Variants in TTC39B observed in about 807,000 individuals in gnomAD.
TTC39B encodes the protein tetratricopeptide repeat protein 39B.
A neutral mutation model predicts 96.6 loss-of-function variants in TTC39B; 92 were observed. The observed-to-expected ratio is 0.95, with a 90% CI of 0.80 to 1.13. The LOEUF is 1.13. Among genes scored for constraint, TTC39B ranks in the 50% most tolerant of loss-of-function variants. TTC39B has a pLI of 0.00. For missense variants in TTC39B, 955 were observed against 809.3 expected, an observed-to-expected ratio of 1.18 and a Z score of -2.18; for synonymous variants, 367 against 299.4, an observed-to-expected ratio of 1.23 and a Z score of -2.33.
chr9:15,249,764 G>C, intron 2 of TTC39B: 3 of 491,368 alleles, frequency 6.1e-6, no homozygotes, highest in Non-Finnish European at 8.8e-6. Flanking sequence ...TCTTAATGAA[G>C]ACAATGTCAT....
chr9:15,257,422 T>G (rs1163159395), intron 2 of TTC39B, among the ~76,000 whole-genome samples: 1 of 152,148 alleles, frequency 6.6e-6, no homozygotes, highest in Non-Finnish European at 1.5e-5. Context: ...TCCTCTTTAC[T>G]TTCTGTAGAT....
chr9:15,214,081 A>G, intron 4 of TTC39B, 58 bp downstream of exon 4: 1 of 1,333,362 alleles, frequency 7.5e-7, no homozygotes, highest in Admixed American at 1.8e-5. Context: ...GCATGACATC[A>G]AAGAATCATC....
At chr9:15,208,566 G>A (rs1221738717) in intron 6 of TTC39B, among the ~76,000 whole-genome samples, 5 of 152,090 alleles carry the variant, frequency 3.3e-5, no homozygotes, top group Non-Finnish European at 7.4e-5. Flanking sequence ...AGGTCTAACG[G>A]GACTAATTTA....
At chr9:15,280,400 A>G (rs1293262642) in intron 1 of TTC39B, among the ~76,000 whole-genome samples, 3 of 152,228 alleles carry the variant, frequency 2.0e-5, no homozygotes, top group African/African-American at 7.2e-5. Flanking sequence ...TTCCTTCCCT[A>G]CCGCATTGGA....
intron 4 of TTC39B, among the ~76,000 whole-genome samples, chr9:15,212,495 G>A (rs1330280878): frequency 2.0e-5 from 3 of 152,142 alleles, no homozygotes; most frequent in East Asian, 1.9e-4. Flanking sequence ...GCACAATCTC[G>A]GCTCACCACA....
At chr9:15,234,288 GC>G (rs1821641932) in intron 2 of TTC39B, among the ~76,000 whole-genome samples, 1 of 148,444 alleles carries the variant, frequency 6.7e-6, no homozygotes, top group South Asian at 2.1e-4. Flanking sequence ...CAGGCCAGCC[GC>G]CCCATCCGGG....
At chr9:15,209,210 A>G (rs1488054025) in intron 6 of TTC39B, among the ~76,000 whole-genome samples, 1 of 152,060 alleles carries the variant, frequency 6.6e-6, no homozygotes, top group African/African-American at 2.4e-5. Flanking sequence ...TTTCTTGTAA[A>G]CTATTGTGGA....
At chr9:15,211,780 G>C (rs1820216365) in intron 4 of TTC39B, among the ~76,000 whole-genome samples, 1 of 152,158 alleles carries the variant, frequency 6.6e-6, no homozygotes, top group African/African-American at 2.4e-5. Flanking sequence ...GAGAGATTCT[G>C]ATATATTTTT....
intron 2 of TTC39B, among the ~76,000 whole-genome samples, chr9:15,260,207 GT>G (rs1822895408): frequency 6.6e-6 from 1 of 150,720 alleles, no homozygotes; most frequent in Non-Finnish European, 1.5e-5. Context: ...TTTCCTTACT[GT>G]GCCTTCCTGC....
chr9:15,295,327 T>G (rs936659312), intron 1 of TTC39B, among the ~76,000 whole-genome samples: 5 of 152,204 alleles, frequency 3.3e-5, no homozygotes, highest in African/African-American at 9.7e-5. Flanking sequence ...TTAAACTTTA[T>G]TTACAAAAAT....
chr9:15,214,354 GTGTGTGTC>G (rs1564354300), intron 3 of TTC39B, 105 bp from the exon 4 acceptor site: 103 of 728,158 alleles, frequency 1.4e-4, no homozygotes, highest in East Asian at 1.0e-3. Flanking sequence ...GTGTCTGTGT[GTGTGTGTC>G]TGTGTGTGTG....
At chr9:15,267,065 C>T (rs534258913) in intron 2 of TTC39B, among the ~76,000 whole-genome samples, 1 of 152,044 alleles carries the variant, frequency 6.6e-6, no homozygotes, top group Admixed American at 6.6e-5. Flanking sequence ...GGCGACAGAG[C>T]GAGACTCCGT....
chr9:15,283,874 A>T (rs1823860758), intron 1 of TTC39B, among the ~76,000 whole-genome samples: 1 of 152,170 alleles, frequency 6.6e-6, no homozygotes, highest in East Asian at 1.9e-4. Flanking sequence ...AAATATAAAA[A>T]TTTTAAAAAA....
At chr9:15,291,113 G>A (rs545811286) in intron 1 of TTC39B, among the ~76,000 whole-genome samples, 2 of 152,322 alleles carry the variant, frequency 1.3e-5, no homozygotes, top group Admixed American at 1.3e-4. Context: ...TTTCTATGGT[G>A]AAGAAGGGCC....
At chr9:15,270,846 G>C (rs1586986741) in intron 1 of TTC39B, among the ~76,000 whole-genome samples, 1 of 152,092 alleles carries the variant, frequency 6.6e-6, no homozygotes, top group African/African-American at 2.4e-5. Flanking sequence ...AGCATATGTG[G>C]TCTATAAAGG....
intron 1 of TTC39B, among the ~76,000 whole-genome samples, chr9:15,269,865 G>A (rs72700665): frequency 1.8e-3 from 255 of 140,510 alleles, no homozygotes; most frequent in Middle Eastern, 7.5e-3. Flanking sequence ...CAAAAAAAAA[G>A]AAAAAAAAAA....
intron 2 of TTC39B, among the ~76,000 whole-genome samples, chr9:15,247,638 A>C (rs998448780): frequency 3.3e-5 from 5 of 152,186 alleles, no homozygotes; most frequent in African/African-American, 1.2e-4. Flanking sequence ...CCTGCCACTG[A>C]AGCATAATCT....
chr9:15,259,015 G>C (rs1290729981), intron 2 of TTC39B, among the ~76,000 whole-genome samples: 1 of 152,078 alleles, frequency 6.6e-6, no homozygotes, highest in Non-Finnish European at 1.5e-5. Flanking sequence ...CATTAGAGTA[G>C]ATCTAACAGG....
At chr9:15,170,977 G>GAC (rs1817631696) in exon 20 of TTC39B, 1 of 152,188 alleles carries the variant, frequency 6.6e-6, no homozygotes, top group Non-Finnish European at 1.5e-5. Flanking sequence ...AAAATGTGGT[G>GAC]ACACACAGGG....
Sources: gnomAD v4.1 joint callset for allele counts (sites outside exome capture counted in the v4.1 genomes callset) on GRCh38, gnomAD v4.1.1 for gene constraint, MANE v1.5 for transcripts, NCBI Gene and HGNC (gene_info 2026-07-23, HGNC 2026-07-21) for gene names.